The following NCAPD3 variants were observed in gnomAD, a reference collection of about 807,000 sequenced individuals.
NCAPD3 encodes non-SMC condensin II complex subunit D3.
A neutral mutation model predicts 182.9 loss-of-function variants in NCAPD3; 105 were observed. That is an observed-to-expected ratio of 0.57 (90% CI 0.49 to 0.68). The LOEUF (loss-of-function observed/expected upper bound fraction) is 0.68. Ranked by LOEUF, NCAPD3 falls within the 30% of genes least tolerant of loss-of-function variation. NCAPD3 has a pLI of 0.00. For missense variants in NCAPD3, 1,944 were observed against 1,837.0 expected, an observed-to-expected ratio of 1.06 and a Z score of -1.07; for synonymous variants, 815 against 679.9, an observed-to-expected ratio of 1.20 and a Z score of -3.09.
At chr11:134,192,142 T>G (rs1212933607) in intron 16 of NCAPD3, among the ~76,000 whole-genome samples, 5 of 152,252 alleles carry the variant, frequency 3.3e-5, no homozygotes, top group African/African-American at 1.2e-4. Context: ...AAGTGATTTT[T>G]GCCAAGGCTG....
At chr11:134,179,984 G>C (rs1463766087) in intron 20 of NCAPD3, among the ~76,000 whole-genome samples, 1 of 151,788 alleles carries the variant, frequency 6.6e-6, no homozygotes, top group Non-Finnish European at 1.5e-5. Context: ...TATATATTTT[G>C]ACTGAAGAGT....
In NCAPD3 at chr11:134,211,497, G is replaced by A. The variant is rs927970199; in HGVS notation, c.383-1043C>T. Among the ~76,000 whole-genome samples, 9 of 151,762 alleles carry A rather than the reference G, an allele frequency of 5.9e-5. No homozygotes were observed. In the South Asian group the frequency reaches 1.9e-3, roughly 32 times the overall value. On this transcript the variant is annotated intron_variant, in intron 3 of 34. Transcript: ENST00000534548. ...ACCCTGTCTTTACAAAAAATACAGG[G>A]GGAAAAAAAACAACACAAAATGTCC...
At position 134,204,081 on chromosome 11, in the gene NCAPD3, T is replaced by G. The variant is rs764545915; in HGVS notation, c.1180A>C (p.Ile394Leu). 1 of 1,614,160 alleles carries G rather than the reference T, an allele frequency of 6.2e-7. No homozygotes were observed. The highest frequency in any genetic ancestry group is 8.5e-7 in the Non-Finnish European group (1 of 1,180,018). Residue 394 changes from isoleucine (I) to leucine (L), a missense_variant, in exon 10 of 35, where the codon ATT becomes CTT. Around this residue, in one of 3 missense-constraint regions of NCAPD3, gnomAD observed 1,803 missense variants for 1,674.6 expected, o/e 1.08. Transcript: ENST00000534548. The surrounding 1 kb of genome is among the most constrained non-coding windows in gnomAD (Gnocchi z 4.3). ...KLPCGEYAMF[I>L]AWLYKYSRSS... ...CGGGAGTATTTGTAAAGCCAGGCAA[T>G]GAACATAGCGTATTCCCCACAAGGA...
chr11:134,224,628 CCAGCG>C (rs1938386392), upstream of NCAPD3: 1 of 152,274 alleles, frequency 6.6e-6, no homozygotes, highest in African/African-American at 2.4e-5. Flanking sequence ...CGCCGCTGCT[CCAGCG>C]CATCCGGGCT....
chr11:134,156,975 G>C (rs1384201633), intron 32 of NCAPD3, 43 bp downstream of exon 32: 2 of 1,512,076 alleles, frequency 1.3e-6, no homozygotes, highest in East Asian at 4.5e-5. Flanking sequence ...ACGAATGCAG[G>C]AGAGACTGAG....
Position 134,177,454 on chromosome 11 carries a change from T to C in NCAPD3, c.2786A>G (p.Lys929Arg). The change falls in exon 23 of 35, where the codon AAG (lysine) becomes AGG (arginine). Residue 929 changes from lysine (K) to arginine (R), a missense_variant. Lys to Arg is a conservative substitution (Grantham distance 26). Around this residue, in one of 3 missense-constraint regions of NCAPD3, gnomAD observed 1,803 missense variants for 1,674.6 expected, o/e 1.08. Transcript: ENST00000534548. ...IRAHAIITLG[K>R]LCLQHEDLAK... ...CAGATCCTCGTGCTGTAAGCACAGC[T>C]TACCTGGCACAGAAGACAGGAAGAT... is the stretch of plus-strand genomic sequence containing the variant. 6.2e-7 allele frequency: 1 copy of C among 1,611,434 alleles called. No individual in the cohort carries two copies. Among genetic ancestry groups the C allele is most frequent in the Non-Finnish European group, 8.5e-7 (1 of 1,177,780 alleles).
chr11:134,225,036 G>A, upstream of NCAPD3: 3 of 1,304,844 alleles, frequency 2.3e-6, no homozygotes, highest in South Asian at 5.1e-5. Flanking sequence ...TCGCGCATCG[G>A]GCCCTCTGGC....
rs534411426 is a variant in NCAPD3 at position 134,151,654 on chromosome 11, T to C, written c.*1290A>G. 1 of 152,346 alleles carries C rather than the reference T, an allele frequency of 6.6e-6. No homozygotes were observed. The highest frequency in any genetic ancestry group is 6.5e-5 in the Admixed American group (1 of 15,306). The allele number at this position is 152,346 out of a possible 1,614,324, so 9.4% of individuals were successfully genotyped here. A position where few individuals can be genotyped will look rare whatever the true frequency, so the allele number is the denominator to read the frequency against. ...CGATACGAGGCTGTGATTCTGCCTT[T>C]GGATGGATGTTGCTGTACACAGATG... is the stretch of plus-strand genomic sequence containing the variant. On this transcript the variant is annotated 3_prime_UTR_variant, in exon 35 of 35. Coordinates refer to ENST00000534548, the MANE Select transcript of NCAPD3 (RefSeq NM_015261.3).
chr11:134,167,373 C>T (rs1943867459), intron 27 of NCAPD3, among the ~76,000 whole-genome samples: 3 of 108,064 alleles, frequency 2.8e-5, no homozygotes, highest in East Asian at 2.9e-4. Flanking sequence ...GAGGCGCACA[C>T]TCGTGAGAGG....
intron 27 of NCAPD3, among the ~76,000 whole-genome samples, chr11:134,166,337 A>T (rs1480952866): frequency 7.9e-5 from 1 of 12,628 alleles, no homozygotes; most frequent in Non-Finnish European, 1.2e-4. Flanking sequence ...CACACTCACT[A>T]GTGAGATGAG....
chr11:134,160,574 C>G (rs1368819635), intron 28 of NCAPD3, among the ~76,000 whole-genome samples: 1 of 152,166 alleles, frequency 6.6e-6, no homozygotes, highest in Non-Finnish European at 1.5e-5. Context: ...GCTCAAATCC[C>G]ATCTTTGTGT....
chr11:134,169,743 C>G (rs918075034), intron 24 of NCAPD3, among the ~76,000 whole-genome samples: 3 of 152,206 alleles, frequency 2.0e-5, no homozygotes, highest in African/African-American at 4.8e-5. Flanking sequence ...AACAGGCAAA[C>G]TGTTTGACTA....
intron 13 of NCAPD3, among the ~76,000 whole-genome samples, chr11:134,199,824 C>T (rs1944712483): frequency 6.6e-6 from 1 of 152,170 alleles, no homozygotes; most frequent in South Asian, 2.1e-4. Flanking sequence ...TATTTCCCCT[C>T]TCCTACGCTA....
intron 1 of NCAPD3, chr11:134,223,225 CACAGTTA>C: frequency 1.7e-6 from 1 of 576,554 alleles, no homozygotes; most frequent in East Asian, 2.8e-5. Flanking sequence ...GATGGGCTGG[CACAGTTA>C]ACATCAGAAA....
upstream of NCAPD3, chr11:134,225,107 C>G (rs1427822903): frequency 1.3e-6 from 2 of 1,587,704 alleles, no homozygotes; most frequent in African/African-American, 2.7e-5. Context: ...CGAGACCCGC[C>G]CGGCCCGGCG....
At position 134,206,601 on chromosome 11, in the gene NCAPD3, G is replaced by C. The variant is rs775029360; in HGVS notation, c.1014C>G (p.Ile338Met). The C allele has an allele frequency of 4.3e-5, 69 of 1,613,326 alleles. No homozygotes were observed. The highest frequency in any genetic ancestry group is 5.8e-5 in the Non-Finnish European group (68 of 1,179,728). The change falls in exon 8 of 35, where the codon ATC (isoleucine) becomes ATG (methionine). Residue 338 changes from isoleucine (I) to methionine (M), a missense_variant and splice_region_variant. Physicochemically the swap from Ile to Met is conservative, Grantham distance 10. This residue lies in a region of NCAPD3 where 1,803 missense variants were observed against 1,674.6 expected (regional missense o/e 1.08). Transcript: ENST00000534548. Reference protein sequence around the residue: ...INCRNQAVQFISALVDELKES... With the variant: ...INCRNQAVQFMSALVDELKES... ...AATTCACGATTTGTGTGCTTCACCT[G>C]ATAAACTGGACCGCCTGGTTTCTAC...
Position 134,157,006 on chromosome 11 carries a change from T to A in NCAPD3, c.4252+12A>T. On this transcript the variant is annotated intron_variant, in intron 32 of 34. Coordinates refer to ENST00000534548, the MANE Select transcript of NCAPD3 (RefSeq NM_015261.3). ...CTGAGGAGAAGCCCACGTGTTCCGA[T>A]CAGTTACTCACTCTCGGGGGTGCTG... The A allele has an allele frequency of 6.2e-7, 1 of 1,603,132 alleles. No individual in the cohort carries two copies. The highest frequency in any genetic ancestry group is 8.5e-7 in the Non-Finnish European group (1 of 1,172,248).
At chr11:134,154,883 G>A (rs1483453060) in intron 32 of NCAPD3, among the ~76,000 whole-genome samples, 1 of 152,192 alleles carries the variant, frequency 6.6e-6, no homozygotes, top group East Asian at 1.9e-4. Context: ...ATAGACGATG[G>A]TAGAGAATTC....
rs772396337 is a variant in NCAPD3 at position 134,150,952 on chromosome 11, C to G, written c.*1992G>C. The G allele has an allele frequency of 6.6e-6, 1 of 152,174 alleles. No individual in the cohort carries two copies. Among genetic ancestry groups the G allele is most frequent in the Non-Finnish European group, 1.5e-5 (1 of 68,032 alleles). 9.4% of individuals were successfully genotyped at this position (152,174 alleles called of 1,614,324 possible). On this transcript the variant is annotated 3_prime_UTR_variant, in exon 35 of 35. Coordinates refer to ENST00000534548, the MANE Select transcript of NCAPD3 (RefSeq NM_015261.3). Reference sequence around the variant, plus strand: ...TAATTTTGACTTTAAATTTTTCATCCGCCGGAGACACTGCTCCCATTTGTG... The same window carrying G: ...TAATTTTGACTTTAAATTTTTCATCGGCCGGAGACACTGCTCCCATTTGTG...
Sources: allele counts gnomAD v4.1 joint callset (sites outside exome capture counted in the v4.1 genomes callset), GRCh38; gene constraint gnomAD v4.1.1; regional missense constraint gnomAD v4.1.1; non-coding constraint Gnocchi (gnomAD v3.1); transcripts MANE v1.5; gene names NCBI Gene and HGNC (gene_info 2026-07-23, HGNC 2026-07-21).